KIAA1671: variants seen among roughly 807,000 people sequenced by gnomAD.
KIAA1671 encodes the protein uncharacterized protein KIAA1671.
KIAA1671 carries 52 observed loss-of-function variants against 131.2 expected under a neutral mutation model. The ratio of observed to expected loss-of-function variants is 0.40; its 90% CI spans 0.32 to 0.50. The LOEUF (loss-of-function observed/expected upper bound fraction) is 0.50, where lower values mean the gene tolerates loss of function less well. Among genes scored for constraint, KIAA1671 ranks in the 20% least tolerant of loss-of-function variants. KIAA1671 has a pLI of 0.73. For missense variants in KIAA1671, 2,360 were observed against 2,364.2 expected, an observed-to-expected ratio of 1.00 and a Z score of 0.04; for synonymous variants, 1,003 against 961.6, an observed-to-expected ratio of 1.04 and a Z score of -0.80.
At chr22:25,071,605 T>TGAGCCGAG (rs1601283962) in intron 6 of KIAA1671, among the ~76,000 whole-genome samples, 2 of 151,508 alleles carry the variant, frequency 1.3e-5, no homozygotes. Flanking sequence ...AAGTCTCCAA[T>TGAGCCGAG]AATCGTATTT....
chr22:25,129,919 G>GT (rs1932359732), intron 6 of KIAA1671, among the ~76,000 whole-genome samples: 1 of 152,162 alleles, frequency 6.6e-6, no homozygotes, highest in South Asian at 2.1e-4. Context: ...TCATAGAACA[G>GT]TGCCTGGCAC....
At chr22:25,124,613 G>A (rs1174898978) in intron 6 of KIAA1671, among the ~76,000 whole-genome samples, 1 of 152,188 alleles carries the variant, frequency 6.6e-6, no homozygotes, top group Non-Finnish European at 1.5e-5. Context: ...GATGCCTTGT[G>A]AAGTACCCAG....
intron 6 of KIAA1671, among the ~76,000 whole-genome samples, chr22:25,106,645 G>A (rs1931016182): frequency 1.3e-5 from 2 of 152,284 alleles, no homozygotes; most frequent in Admixed American, 1.3e-4. Flanking sequence ...GGCAAGTGAG[G>A]TGCTCACATA....
chr22:25,122,931 C>T (rs192592637), intron 6 of KIAA1671, among the ~76,000 whole-genome samples: 6 of 151,988 alleles, frequency 3.9e-5, no homozygotes, highest in South Asian at 2.1e-4. Flanking sequence ...GCTGAGATCG[C>T]GCCACTGCAC....
intron 6 of KIAA1671, among the ~76,000 whole-genome samples, chr22:25,111,499 C>T (rs1467543850): frequency 2.0e-5 from 3 of 152,236 alleles, no homozygotes; most frequent in African/African-American, 7.2e-5. Context: ...GATGTCATCC[C>T]GGGCTGCTCA....
At chr22:25,121,011 T>C (rs996786548) in intron 6 of KIAA1671, among the ~76,000 whole-genome samples, 1 of 152,320 alleles carries the variant, frequency 6.6e-6, no homozygotes, top group African/African-American at 2.4e-5. Context: ...TTTGTTACTC[T>C]CACTTTTCTC....
chr22:25,156,914 C>T (rs1431289342), intron 6 of KIAA1671, among the ~76,000 whole-genome samples: 1 of 152,192 alleles, frequency 6.6e-6, no homozygotes, highest in Non-Finnish European at 1.5e-5. Context: ...AGCGCCCTGC[C>T]TCCTCAACAG....
At chr22:25,112,873 C>T (rs563983306) in intron 6 of KIAA1671, among the ~76,000 whole-genome samples, 2 of 152,254 alleles carry the variant, frequency 1.3e-5, no homozygotes, top group South Asian at 4.2e-4. Flanking sequence ...CATGTGCACG[C>T]TGAGTTGTAG....
intron 6 of KIAA1671, among the ~76,000 whole-genome samples, chr22:25,108,445 A>AGAGGACT (rs1306042540): frequency 1.2e-4 from 19 of 152,134 alleles, no homozygotes; most frequent in Admixed American, 1.2e-3. Flanking sequence ...CAGACCATGA[A>AGAGGACT]GAGGACTTCA....
At chr22:25,122,759 G>T (rs917258502) in intron 6 of KIAA1671, among the ~76,000 whole-genome samples, 2 of 152,170 alleles carry the variant, frequency 1.3e-5, no homozygotes, top group African/African-American at 4.8e-5. Context: ...CCGATCACGA[G>T]GTCAGGAGAT....
chr22:25,067,267 T>C (rs1428989233), intron 6 of KIAA1671, among the ~76,000 whole-genome samples: 1 of 148,990 alleles, frequency 6.7e-6, no homozygotes, highest in Non-Finnish European at 1.5e-5. Context: ...TCGCCGGGTC[T>C]TGGACCTTTG....
chr22:25,000,199 T>TG (rs1924370659), intron 1 of KIAA1671, among the ~76,000 whole-genome samples: 1 of 77,026 alleles, frequency 1.3e-5, no homozygotes, highest in African/African-American at 5.3e-5. Context: ...TTTTTTTTTT[T>TG]TTTTTTTTTT....
chr22:25,018,461 G>A (rs5996818), intron 1 of KIAA1671, among the ~76,000 whole-genome samples: 76,287 of 151,730 alleles, frequency 0.5, 19,208 homozygotes, highest in Middle Eastern at 0.55. Context: ...CAGTTTGGTG[G>A]TATTAAGTAC....
In KIAA1671 at chr22:25,090,556, C is replaced by T. The variant is rs146784359; in HGVS notation, c.4530+41192C>T. ...CAGTCCTTTGGGAAAACCCCACACT[C>T]GGAGAACTTTTCTGAGGCCTTGTCG... is the stretch of plus-strand genomic sequence containing the variant. On this transcript the variant is annotated intron_variant, in intron 6 of 12. Transcript: ENST00000358431. Among the ~76,000 whole-genome samples, 32 of 152,368 alleles carry T rather than the reference C, an allele frequency of 2.1e-4. 1 individual carries two copies. In the Middle Eastern group the frequency reaches 0.014, roughly 65 times the overall value.
intron 6 of KIAA1671, among the ~76,000 whole-genome samples, chr22:25,154,820 T>C (rs1933174553): frequency 6.6e-6 from 1 of 152,342 alleles, no homozygotes; most frequent in Admixed American, 6.5e-5. Context: ...AGGCCCCAGC[T>C]CTGCCAGGCC....
chr22:25,144,420 G>C (rs1196890668), intron 6 of KIAA1671, among the ~76,000 whole-genome samples: 26 of 152,190 alleles, frequency 1.7e-4, no homozygotes, highest in Admixed American at 1.6e-3. Context: ...TGGGGAATGT[G>C]ACCTCCTGGC....
rs1569001969 is a variant in KIAA1671 at position 25,193,444 on chromosome 22, C to G, written c.*1043C>G. 6.6e-6 allele frequency: 1 copy of G among 152,188 alleles called. No individual in the cohort carries two copies. Among genetic ancestry groups the G allele is most frequent in the Non-Finnish European group, 1.5e-5 (1 of 68,054 alleles). The allele number at this position is 152,188 out of a possible 1,614,324, so 9.4% of individuals were successfully genotyped here. ...GGGCTGCTGGCATGGAGGAGTTGTT[C>G]CAAACTGGCCTCAGAACAGATGCAT... On this transcript the variant is annotated 3_prime_UTR_variant, in exon 13 of 13. Transcript: ENST00000358431.
intron 1 of KIAA1671, among the ~76,000 whole-genome samples, chr22:24,973,120 G>A (rs1262253775): frequency 6.6e-6 from 1 of 152,186 alleles, no homozygotes; most frequent in Non-Finnish European, 1.5e-5. Flanking sequence ...GGTTCAGGGG[G>A]CCAGGCTAGT....
At chr22:25,022,195 G>A (rs1925711057) in intron 1 of KIAA1671, among the ~76,000 whole-genome samples, 1 of 152,164 alleles carries the variant, frequency 6.6e-6, no homozygotes, top group African/African-American at 2.4e-5. Flanking sequence ...ACCAGATGGT[G>A]GCATTCCCAG....
Sources: allele counts gnomAD v4.1 joint callset (sites outside exome capture counted in the v4.1 genomes callset), GRCh38; gene constraint gnomAD v4.1.1; transcripts MANE v1.5; gene names NCBI Gene and HGNC (gene_info 2026-07-23, HGNC 2026-07-21).